HIKESHI: variants seen among roughly 807,000 people sequenced by gnomAD.
HIKESHI encodes the protein heat shock protein nuclear import factor hikeshi.
Under a neutral mutation model 25.7 loss-of-function variants are expected in HIKESHI, and 13 were observed. That is an observed-to-expected ratio of 0.51 (90% CI 0.33 to 0.80). HIKESHI has a LOEUF of 0.80. Ranked by LOEUF, HIKESHI falls within the 30% of genes least tolerant of loss-of-function variation. The pLI is 0.02. For missense variants in HIKESHI, 174 were observed against 229.5 expected, an observed-to-expected ratio of 0.76 and a Z score of 1.56; for synonymous variants, 76 against 78.7, an observed-to-expected ratio of 0.97 and a Z score of 0.18.
chr11:86,338,523 A>G (rs1947631777), intron 3 of HIKESHI, among the ~76,000 whole-genome samples: 2 of 152,264 alleles, frequency 1.3e-5, no homozygotes, highest in Non-Finnish European at 2.9e-5. Flanking sequence ...AAGGACGATC[A>G]TCAGCTAAGA....
At chr11:86,318,317 A>AAAAAAAAAAAAAAAC (rs1484842955) in intron 2 of HIKESHI, among the ~76,000 whole-genome samples, 1 of 148,300 alleles carries the variant, frequency 6.7e-6, no homozygotes, top group Admixed American at 6.8e-5. Context: ...AAAAAAAAAA[A>AAAAAAAAAAAAAAAC]AAAAAATCCT....
chr11:86,334,930 T>C (rs77724870), intron 2 of HIKESHI, among the ~76,000 whole-genome samples: 433 of 152,360 alleles, frequency 2.8e-3, no homozygotes, highest in African/African-American at 0.01. Context: ...TATGAGCAAC[T>C]GTGTCTGACC....
intron 3 of HIKESHI, among the ~76,000 whole-genome samples, chr11:86,342,508 T>A (rs1408941600): frequency 1.2e-5 from 1 of 80,096 alleles, no homozygotes; most frequent in Non-Finnish European, 2.6e-5. Context: ...TGTGTGTGTG[T>A]GTGTGTGTGT....
chr11:86,344,454 C>T, intron 3 of HIKESHI, 149 bp from the exon 4 acceptor site: 1 of 495,304 alleles, frequency 2.0e-6, no homozygotes, highest in Non-Finnish European at 3.5e-6. Flanking sequence ...AGGCATGAGC[C>T]ACCGCACCCA....
At chr11:86,320,237 A>T (rs997483813) in intron 2 of HIKESHI, among the ~76,000 whole-genome samples, 1 of 152,212 alleles carries the variant, frequency 6.6e-6, no homozygotes, top group African/African-American at 2.4e-5. Flanking sequence ...TTAATTTTTC[A>T]GTTTCCTTTT....
At chr11:86,308,904 C>A (rs1166929269) in intron 2 of HIKESHI, among the ~76,000 whole-genome samples, 2 of 152,016 alleles carry the variant, frequency 1.3e-5, no homozygotes, top group Admixed American at 6.6e-5. Flanking sequence ...TGAACTCATC[C>A]TTTTTTACGG....
intron 2 of HIKESHI, among the ~76,000 whole-genome samples, chr11:86,325,890 C>T (rs1365967645): frequency 6.9e-6 from 1 of 145,900 alleles, no homozygotes; most frequent in Non-Finnish European, 1.5e-5. Context: ...AAAAAAGGCA[C>T]ATGCTTAGTA....
chr11:86,322,249 A>G (rs1001464815), intron 2 of HIKESHI, among the ~76,000 whole-genome samples: 1 of 152,102 alleles, frequency 6.6e-6, no homozygotes, highest in Non-Finnish European at 1.5e-5. Flanking sequence ...AGCCTCCCAG[A>G]GTGCTGGGAT....
At chr11:86,310,229 T>C (rs291206) in intron 2 of HIKESHI, among the ~76,000 whole-genome samples, 89,139 of 144,680 alleles carry the variant, frequency 0.62, 27,678 homozygotes, top group East Asian at 0.79. Flanking sequence ...GTTTGTATCC[T>C]CTTTTATTTT....
At chr11:86,325,595 C>T (rs1316108863) in intron 2 of HIKESHI, among the ~76,000 whole-genome samples, 6 of 151,776 alleles carry the variant, frequency 4.0e-5, no homozygotes, top group Non-Finnish European at 5.9e-5. Context: ...CACATGTGGC[C>T]GGGTGTGGTG....
At chr11:86,302,513 C>G (rs1946523200) in intron 1 of HIKESHI, 35 bp downstream of exon 1, 3 of 1,550,830 alleles carry the variant, frequency 1.9e-6, no homozygotes, top group Non-Finnish European at 2.6e-6. Flanking sequence ...AGGAAGGGGT[C>G]AGGATACCGA....
In HIKESHI at chr11:86,302,435, G is replaced by C; in HGVS notation, c.-14G>C. 1 of 1,553,110 alleles carries C rather than the reference G, an allele frequency of 6.4e-7. No homozygotes were observed. The highest frequency in any genetic ancestry group is 8.7e-7 in the Non-Finnish European group (1 of 1,147,896). On this transcript the variant is annotated 5_prime_UTR_variant, in exon 1 of 5. Transcript: ENST00000278483. ...GCTTCAGGTCACTGCCGGCTGAACG[G>C]AGCTGCCGTCGCCATGTTTGGCTGC...
chr11:86,317,994 T>C (rs1947034456), intron 2 of HIKESHI, among the ~76,000 whole-genome samples: 1 of 151,988 alleles, frequency 6.6e-6, no homozygotes, highest in African/African-American at 2.4e-5. Flanking sequence ...TGAAATAATT[T>C]ACTTTCAAGA....
chr11:86,313,647 A>G (rs900268433), intron 2 of HIKESHI, among the ~76,000 whole-genome samples: 2 of 152,242 alleles, frequency 1.3e-5, no homozygotes, highest in African/African-American at 4.8e-5. Flanking sequence ...ATGGGGATAT[A>G]AAGGTAGTGA....
In HIKESHI at chr11:86,306,388, T is replaced by C. The variant is rs749726674; in HGVS notation, c.174T>C (p.Tyr58=). The C allele has an allele frequency of 5.6e-6, 9 of 1,613,924 alleles. No homozygotes were observed. The highest frequency in any genetic ancestry group is 5.0e-5 in the Admixed American group (3 of 60,002). The change falls in exon 2 of 5, where the codon TAT becomes TAC. Residue 58 remains tyrosine (Y), a synonymous_variant. Transcript: ENST00000278483. ...EGMGGSVYFS[Y]PDSNGMPVWQ... is the part of the protein sequence containing the mutation. The stretch of plus-strand genomic sequence containing the variant: ...TGGGAGGATCTGTCTACTTTTCTTA[T>C]CCTGATTCAAATGGAATGCCAGTAT...
chr11:86,325,479 G>C (rs181080795), intron 2 of HIKESHI, among the ~76,000 whole-genome samples: 683 of 152,094 alleles, frequency 4.5e-3, no homozygotes, highest in African/African-American at 0.015. Context: ...ACTCAGGTAG[G>C]ACTAAATTTG....
rs76770536 is a variant in HIKESHI at position 86,336,775 on chromosome 11, C to T, written c.269-604C>T. Reference sequence around the variant, plus strand: ...CCAAGTAGGATAAACTACACCAAGACACACGATAATCAAACTGTCAAAAGG... The same window carrying T: ...CCAAGTAGGATAAACTACACCAAGATACACGATAATCAAACTGTCAAAAGG... On this transcript the variant is annotated intron_variant, in intron 2 of 4. Transcript: ENST00000278483. 9.8e-3 allele frequency among the ~76,000 whole-genome samples: 1,494 copies of T among 152,226 alleles called. 16 individuals carry two copies. The highest frequency in any genetic ancestry group is 0.016 in the Non-Finnish European group (1,106 of 67,990).
rs115242516 is a variant in HIKESHI at position 86,306,418 on chromosome 11, A to G, written c.204A>G (p.Gln68=). ...ATTCAAATGGAATGCCAGTATGGCAACTCCTAGGATTTGTCACGAATGGGA... is the reference window on the plus strand; with the variant it reads ...ATTCAAATGGAATGCCAGTATGGCAGCTCCTAGGATTTGTCACGAATGGGA... ...YPDSNGMPVW[Q]LLGFVTNGKP... is the part of the protein sequence containing the mutation. The change falls in exon 2 of 5, where the codon CAA becomes CAG. Residue 68 remains glutamine (Q), a synonymous_variant. Coordinates refer to ENST00000278483, the MANE Select transcript of HIKESHI (RefSeq NM_016401.4). 527 of 1,613,872 alleles carry G rather than the reference A, an allele frequency of 3.3e-4. 2 individuals are homozygous for G. The African/African-American group carries it at 6.5e-3, about 20-fold the overall frequency.
intron 1 of HIKESHI, among the ~76,000 whole-genome samples, chr11:86,304,313 G>T (rs774261541): frequency 1.2e-4 from 18 of 152,046 alleles, no homozygotes; most frequent in Admixed American, 2.0e-4. Context: ...TCTCTGTAAG[G>T]CATGTCATAG....
Sources: allele counts gnomAD v4.1 joint callset (sites outside exome capture counted in the v4.1 genomes callset), GRCh38; gene constraint gnomAD v4.1.1; transcripts MANE v1.5; gene names NCBI Gene and HGNC (gene_info 2026-07-23, HGNC 2026-07-21).